The following SCN11A variants were observed in gnomAD, a reference collection of about 807,000 sequenced individuals.
The protein encoded by SCN11A is sodium channel protein type 11 subunit alpha.
SCN11A carries 122 observed loss-of-function variants against 162.2 expected under a neutral mutation model. The observed-to-expected ratio is 0.75, with a 90% CI of 0.65 to 0.87. The LOEUF (loss-of-function observed/expected upper bound fraction) is 0.87. Among genes scored for constraint, SCN11A ranks in the 40% least tolerant of loss-of-function variants. The probability of loss-of-function intolerance (pLI) is 0.00; values close to 1 mark genes in which losing one functional copy is unlikely to be tolerated. For missense variants in SCN11A, 2,015 were observed against 2,181.6 expected (o/e 0.92, Z 1.52); for synonymous variants, 758 against 751.5 (o/e 1.01, Z -0.14).
chr3:38,925,758 G>C (rs1186972329), intron 8 of SCN11A, among the ~76,000 whole-genome samples: 1 of 152,222 alleles, frequency 6.6e-6, no homozygotes, highest in African/African-American at 2.4e-5. Context: ...CCTTGAAATA[G>C]TTCATGTAGT....
At chr3:39,030,977 G>C (rs1173820241) in intron 2 of SCN11A, among the ~76,000 whole-genome samples, 1 of 152,138 alleles carries the variant, frequency 6.6e-6, no homozygotes, top group African/African-American at 2.4e-5. Flanking sequence ...AATCAAGGAT[G>C]GCCTGGATGG....
At chr3:38,908,620 A>G (rs1226281297) in intron 13 of SCN11A, among the ~76,000 whole-genome samples, 2 of 152,140 alleles carry the variant, frequency 1.3e-5, no homozygotes, top group African/African-American at 4.8e-5. Flanking sequence ...TCTAGAGTCC[A>G]CCTCAAGCAA....
At position 38,896,938 on chromosome 3, in the gene SCN11A, G is replaced by C. The variant is rs773782966; in HGVS notation, c.2310C>G (p.Ile770Met). The C allele has an allele frequency of 6.2e-7, 1 of 1,613,284 alleles. No individual in the cohort carries two copies. The highest frequency in any genetic ancestry group is 2.2e-5 in the East Asian group (1 of 44,846). Reference protein sequence around the residue: ...VVFRILCGEWIENMWECMQEA... With the variant: ...VVFRILCGEWMENMWECMQEA... ...CTTGCATACATTCCCACATATTTTC[G>C]ATCCATTCCCCGCAGAGGATGCGGA... Residue 770 changes from isoleucine (I) to methionine (M), a missense_variant, in exon 18 of 30, where the codon ATC becomes ATG. By Grantham distance (10) the Ile-to-Met change is conservative. Transcript: ENST00000302328.
At chr3:38,910,836 A>G (rs1473650815) in intron 11 of SCN11A, among the ~76,000 whole-genome samples, 1 of 152,224 alleles carries the variant, frequency 6.6e-6, no homozygotes, top group East Asian at 1.9e-4. Flanking sequence ...ATCTTTGAAC[A>G]TAGGTCTTTT....
rs1575328639 is a variant in SCN11A, at chr3:38,950,144, G to C, written c.219C>G (p.Leu73=). The C allele has an allele frequency of 3.7e-6, 6 of 1,600,942 alleles. No individual in the cohort carries two copies. Among genetic ancestry groups the C allele is most frequent in the Non-Finnish European group, 4.2e-6 (5 of 1,178,468 alleles). ...CCAAGTCTTCCAGAGGCTTTCCTATGAGCTCACGAGGAATGTCGCCATAGA... is the reference window on the plus strand; with the variant it reads ...CCAAGTCTTCCAGAGGCTTTCCTATCAGCTCACGAGGAATGTCGCCATAGA... ...PKLYGDIPRE[L]IGKPLEDLDP... is the part of the protein sequence containing the mutation. Residue 73 remains leucine, a synonymous_variant, in exon 5 of 30, where the codon CTC becomes CTG. Transcript: ENST00000302328.
chr3:38,999,425 A>G (rs567000715), intron 2 of SCN11A, among the ~76,000 whole-genome samples: 3 of 152,324 alleles, frequency 2.0e-5, no homozygotes, highest in Non-Finnish European at 4.4e-5. Context: ...TTGCAAAATA[A>G]TCAAGGACTT....
At chr3:38,953,094 A>G (rs530694133) in intron 4 of SCN11A, among the ~76,000 whole-genome samples, 17 of 152,122 alleles carry the variant, frequency 1.1e-4, no homozygotes, top group African/African-American at 4.1e-4. Context: ...AAGCCACTCT[A>G]ACTATTGGGA....
intron 4 of SCN11A, among the ~76,000 whole-genome samples, 28 bp downstream of exon 4, chr3:38,953,601 A>G (rs2066647349): frequency 6.6e-6 from 1 of 152,150 alleles, no homozygotes; most frequent in African/African-American, 2.4e-5. Context: ...ATTAATGGGA[A>G]GAGAGAGACT....
chr3:38,941,999 A>G (rs1336049271), intron 7 of SCN11A, among the ~76,000 whole-genome samples: 1 of 152,156 alleles, frequency 6.6e-6, no homozygotes, highest in Non-Finnish European at 1.5e-5. Flanking sequence ...GTTTGAGAGT[A>G]AAAGAATGGA....
intron 2 of SCN11A, among the ~76,000 whole-genome samples, chr3:39,016,144 C>T (rs904606635): frequency 1.3e-5 from 2 of 152,164 alleles, no homozygotes; most frequent in African/African-American, 4.8e-5. Flanking sequence ...TCTAGCTTCA[C>T]CTGATCCCAC....
rs1358233016 is a variant in SCN11A, at chr3:38,847,076, T to C, written c.4994A>G (p.Tyr1665Cys). 1.9e-6 allele frequency: 3 copies of C among 1,614,130 alleles called. No homozygotes were observed. Among genetic ancestry groups the C allele is most frequent in the East Asian group, 2.2e-5 (1 of 44,864 alleles). Reference protein sequence around the residue: ...EPLRVAKPNKYQFLVMDLPMV... With the variant: ...EPLRVAKPNKCQFLVMDLPMV... Reference sequence around the variant, plus strand: ...GGGCAAGTCCATTACTAGAAATTGATATTTATTTGGCTTTGCGACACGCAA... The same window carrying C: ...GGGCAAGTCCATTACTAGAAATTGACATTTATTTGGCTTTGCGACACGCAA... Residue 1665 changes from tyrosine to cysteine, a missense_variant, in exon 30 of 30, where the codon TAT (tyrosine) becomes TGT (cysteine). Transcript: ENST00000302328.
chr3:39,010,505 A>C (rs1362511323), intron 2 of SCN11A, among the ~76,000 whole-genome samples: 1 of 151,882 alleles, frequency 6.6e-6, no homozygotes, highest in Non-Finnish European at 1.5e-5. Flanking sequence ...CAGCCTCCCA[A>C]GTAGCTGGGA....
chr3:38,855,453 A>G (rs995076431), intron 28 of SCN11A, among the ~76,000 whole-genome samples: 1 of 152,136 alleles, frequency 6.6e-6, no homozygotes, highest in Non-Finnish European at 1.5e-5. Context: ...GTAGCTGAAC[A>G]CAAAAGACAT....
intron 2 of SCN11A, among the ~76,000 whole-genome samples, chr3:38,972,004 T>A (rs1027841380): frequency 6.6e-6 from 1 of 152,080 alleles, no homozygotes; most frequent in African/African-American, 2.4e-5. Context: ...TAAAAGCTTA[T>A]GGAATACACA....
At chr3:38,945,965 A>G (rs1177612648) in intron 6 of SCN11A, among the ~76,000 whole-genome samples, 1 of 147,154 alleles carries the variant, frequency 6.8e-6, no homozygotes, top group Non-Finnish European at 1.5e-5. Flanking sequence ...TAGGGAACCA[A>G]ACCCAAATAG....
rs1451421113 is a variant in SCN11A, at chr3:38,921,063, G to T, written c.892+13C>A. The T allele has an allele frequency of 4.3e-6, 7 of 1,612,412 alleles. No homozygotes were observed. Among genetic ancestry groups the T allele is most frequent in the South Asian group, 1.1e-5 (1 of 90,994 alleles). ...GCAAAAACCAAGGAGTGAAAGAAAG[G>T]TTGGGTATTTACCATAAGCTTCCGG... On this transcript the variant is annotated intron_variant, in intron 10 of 29. Transcript: ENST00000302328.
chr3:38,849,379 G>T (rs553946289), intron 29 of SCN11A: 64 of 144,234 alleles, frequency 4.4e-4, no homozygotes, highest in African/African-American at 1.6e-3. Context: ...CTATTGATAA[G>T]CTTTATCTAC....
intron 2 of SCN11A, among the ~76,000 whole-genome samples, chr3:39,031,534 C>CAAAAAAAA (rs71622553): frequency 1.6e-4 from 20 of 121,916 alleles, no homozygotes; most frequent in Non-Finnish European, 2.4e-4. Context: ...AAACAAAAAA[C>CAAAAAAAA]AAACAAACAA....
intron 3 of SCN11A, among the ~76,000 whole-genome samples, chr3:38,956,267 A>G (rs1194115358): frequency 1.3e-5 from 2 of 152,114 alleles, no homozygotes; most frequent in African/African-American, 4.8e-5. Context: ...AAAAACAAAC[A>G]AACAAAAAGA....
Sources: gnomAD v4.1 joint callset for allele counts (sites outside exome capture counted in the v4.1 genomes callset) on GRCh38, gnomAD v4.1.1 for gene constraint, MANE v1.5 for transcripts, NCBI Gene and HGNC (gene_info 2026-07-23, HGNC 2026-07-21) for gene names.